The following XIRP2 variants were observed in gnomAD, a reference collection of about 807,000 sequenced individuals.
XIRP2 encodes the protein xin actin binding repeat containing 2.
Under a neutral mutation model 277.0 loss-of-function variants are expected in XIRP2, and 236 were observed. The ratio of observed to expected loss-of-function variants is 0.85; its 90% CI spans 0.77 to 0.95. The LOEUF is 0.95. XIRP2 is among the 40% of genes least tolerant of loss of function. The probability of loss-of-function intolerance (pLI) is 0.00; values close to 1 mark genes in which losing one functional copy is unlikely to be tolerated. For synonymous variants in XIRP2, 1,490 were observed against 1,416.5 expected, an observed-to-expected ratio of 1.05 and a Z score of -1.17; for missense variants, 4,640 against 4,157.5, an observed-to-expected ratio of 1.12 and a Z score of -3.19.
At chr2:167,191,595 G>T (rs1693337558) in intron 3 of XIRP2, among the ~76,000 whole-genome samples, 2 of 152,126 alleles carry the variant, frequency 1.3e-5, no homozygotes, top group Non-Finnish European at 2.9e-5. Flanking sequence ...AGACCTGTCT[G>T]CATATTCTGT....
chr2:167,228,417 A>G (rs1694668562), intron 5 of XIRP2, among the ~76,000 whole-genome samples: 2 of 152,212 alleles, frequency 1.3e-5, no homozygotes, highest in East Asian at 1.9e-4. Flanking sequence ...CCAGTACAAC[A>G]TCATAAAAGG....
At chr2:166,964,973 G>A (rs567609859) in intron 2 of XIRP2, among the ~76,000 whole-genome samples, 8 of 151,774 alleles carry the variant, frequency 5.3e-5, no homozygotes, top group Non-Finnish European at 1.0e-4. Flanking sequence ...GCTGATCATC[G>A]TCTTTAAGAG....
intron 2 of XIRP2, among the ~76,000 whole-genome samples, chr2:167,105,604 A>C (rs940240128): frequency 2.2e-4 from 34 of 151,930 alleles, no homozygotes; most frequent in African/African-American, 8.2e-4. Flanking sequence ...AAATAAAGCT[A>C]CTATGAATGT....
intron 2 of XIRP2, among the ~76,000 whole-genome samples, chr2:166,959,390 C>G (rs1432804336): frequency 1.3e-5 from 2 of 151,848 alleles, no homozygotes; most frequent in Non-Finnish European, 2.9e-5. Flanking sequence ...TCTGCAGATA[C>G]AAGCCAAAGC....
chr2:167,057,145 ATCATCATCG>A (rs1250571016), intron 2 of XIRP2, among the ~76,000 whole-genome samples: 1 of 152,146 alleles, frequency 6.6e-6, no homozygotes, highest in African/African-American at 2.4e-5. Flanking sequence ...AATCATCATC[ATCATCATCG>A]TCATCTATGA....
At chr2:167,194,576 A>G (rs1194657697) in intron 3 of XIRP2, among the ~76,000 whole-genome samples, 1 of 152,176 alleles carries the variant, frequency 6.6e-6, no homozygotes, top group African/African-American at 2.4e-5. Context: ...AATCACAGAA[A>G]CATCATCTCC....
chr2:167,097,848 T>C (rs1690366591), intron 2 of XIRP2, among the ~76,000 whole-genome samples: 1 of 152,206 alleles, frequency 6.6e-6, no homozygotes, highest in Admixed American at 6.5e-5. Flanking sequence ...TTGAAAATTA[T>C]TTTCTTTAAT....
chr2:167,127,795 C>G (rs780807375), intron 2 of XIRP2, among the ~76,000 whole-genome samples: 2 of 152,262 alleles, frequency 1.3e-5, no homozygotes. Context: ...GCCAGAGAAC[C>G]CTGTTGTTCT....
chr2:167,135,952 G>T lies in XIRP2; in HGVS notation c.452G>T (p.Ser151Ile). Reference sequence around the variant, plus strand: ...AGTTTGTGCTCGCCAGCTTTTAAGAGTCACCCTGGGAGCCAGCTGGAGGAT... The same window carrying T: ...AGTTTGTGCTCGCCAGCTTTTAAGATTCACCCTGGGAGCCAGCTGGAGGAT... ...ERSLCSPAFK[S>I]HPGSQLEDSV... Residue 151 changes from serine (S) to isoleucine (I), a missense_variant, in exon 3 of 11, where the codon AGT becomes ATT. Physicochemically the swap from Ser to Ile is moderately radical, Grantham distance 142 (BLOSUM62 -2). Coordinates refer to ENST00000409195, the MANE Select transcript of XIRP2 (RefSeq NM_152381.6). 6.2e-7 allele frequency: 1 copy of T among 1,608,542 alleles called. No individual in the cohort carries two copies. Among genetic ancestry groups the T allele is most frequent in the South Asian group, 1.1e-5 (1 of 90,310 alleles).
intron 2 of XIRP2, among the ~76,000 whole-genome samples, chr2:167,008,980 A>G (rs989249527): frequency 6.6e-6 from 1 of 151,440 alleles, no homozygotes; most frequent in Non-Finnish European, 1.5e-5. Context: ...ATATTTTTCA[A>G]TATAAATATT....
rs755598284 is a variant in XIRP2, at chr2:167,258,947, C to T, written c.*1130C>T. ...TGTGCAGCCTGCTCCAAAACCAAGC[C>T]TCAGCAGAGGCCTTATGGTAAAGGG... On this transcript the variant is annotated 3_prime_UTR_variant, in exon 11 of 11. Coordinates refer to ENST00000409195, the MANE Select transcript of XIRP2 (RefSeq NM_152381.6). 6.2e-7 allele frequency: 1 copy of T among 1,613,042 alleles called. No individual in the cohort carries two copies. Among genetic ancestry groups the T allele is most frequent in the Non-Finnish European group, 8.5e-7 (1 of 1,179,574 alleles).
chr2:167,258,107 G>C lies in XIRP2; in HGVS notation c.*290G>C. 2 of 1,613,126 alleles carry C rather than the reference G, an allele frequency of 1.2e-6. No individual in the cohort carries two copies. The highest frequency in any genetic ancestry group is 1.7e-6 in the Non-Finnish European group (2 of 1,179,520). ...ACATTTAGATGCTGGTAACAGTGAAGGGCAAAGGAATGATTTGAGAAAATT... is the reference window on the plus strand; with the variant it reads ...ACATTTAGATGCTGGTAACAGTGAACGGCAAAGGAATGATTTGAGAAAATT... On this transcript the variant is annotated 3_prime_UTR_variant, in exon 11 of 11. Transcript: ENST00000409195.
intron 2 of XIRP2, among the ~76,000 whole-genome samples, chr2:166,986,239 A>C (rs1333731749): frequency 6.6e-6 from 1 of 152,108 alleles, no homozygotes; most frequent in Non-Finnish European, 1.5e-5. Flanking sequence ...ATTCTAATAG[A>C]CCCTAGGATT....
chr2:167,149,144 C>T (rs1691943421), intron 3 of XIRP2, among the ~76,000 whole-genome samples: 1 of 152,094 alleles, frequency 6.6e-6, no homozygotes, highest in Non-Finnish European at 1.5e-5. Flanking sequence ...GAATTCCTAA[C>T]TCAAGAATTA....
chr2:167,083,607 T>A (rs1017821336), intron 2 of XIRP2, among the ~76,000 whole-genome samples: 10 of 152,228 alleles, frequency 6.6e-5, no homozygotes, highest in African/African-American at 2.4e-4. Flanking sequence ...GTTTGTATCC[T>A]CTTTTATTTC....
intron 3 of XIRP2, among the ~76,000 whole-genome samples, chr2:167,158,064 A>C (rs1310366819): frequency 6.6e-6 from 1 of 152,220 alleles, no homozygotes; most frequent in African/African-American, 2.4e-5. Flanking sequence ...AGAGTTTGCC[A>C]TCAGAACTTA....
chr2:167,107,939 T>C, intron 2 of XIRP2, among the ~76,000 whole-genome samples: 1 of 151,910 alleles, frequency 6.6e-6, no homozygotes, highest in East Asian at 1.9e-4. Flanking sequence ...AATTATTTCC[T>C]ATTGAATGAG....
intron 2 of XIRP2, among the ~76,000 whole-genome samples, chr2:167,114,270 T>C (rs1197429929): frequency 2.0e-5 from 3 of 152,166 alleles, no homozygotes; most frequent in African/African-American, 7.2e-5. Flanking sequence ...CGCCAATGCG[T>C]CATAGATGTG....
intron 2 of XIRP2, among the ~76,000 whole-genome samples, chr2:167,029,375 T>C (rs1688263101): frequency 6.6e-6 from 1 of 152,144 alleles, no homozygotes; most frequent in Admixed American, 6.6e-5. Context: ...TTCAGATACG[T>C]TCCCTCAATA....
Sources: allele counts gnomAD v4.1 joint callset (sites outside exome capture counted in the v4.1 genomes callset), GRCh38; gene constraint gnomAD v4.1.1; transcripts MANE v1.5; gene names NCBI Gene and HGNC (gene_info 2026-07-23, HGNC 2026-07-21).